The following DACH1 variants were observed in gnomAD, a reference collection of about 807,000 sequenced individuals.
DACH1 encodes dachshund family transcription factor 1.
DACH1 carries 12 observed loss-of-function variants against 54.2 expected under a neutral mutation model. That is an observed-to-expected ratio of 0.22 (90% CI 0.14 to 0.36). The LOEUF is 0.36. Among genes scored for constraint, DACH1 ranks in the 10% least tolerant of loss-of-function variants. DACH1 has a pLI of 1.00. For missense variants in DACH1, 805 were observed against 929.8 expected (o/e 0.87, Z 1.75); for synonymous variants, 386 against 366.2 (o/e 1.05, Z -0.62).
chr13:71,679,705 C>G (rs937316346), intron 2 of DACH1, among the ~76,000 whole-genome samples: 4 of 151,954 alleles, frequency 2.6e-5, no homozygotes, highest in African/African-American at 9.7e-5. Context: ...GAAAAGTTGG[C>G]CAGGCGCAGT....
intron 1 of DACH1, among the ~76,000 whole-genome samples, chr13:71,748,888 TTCTTTCTTTC>T (rs1240519914): frequency 2.5e-3 from 148 of 59,846 alleles, no homozygotes; most frequent in South Asian, 0.01. Flanking sequence ...CTTTCTTTCT[TTCTTTCTTTC>T]TCTTTCTTTC....
At chr13:71,589,552 C>T (rs1295301200) in intron 3 of DACH1, among the ~76,000 whole-genome samples, 2 of 151,814 alleles carry the variant, frequency 1.3e-5, no homozygotes, top group South Asian at 2.1e-4. Flanking sequence ...GACCGTAAGT[C>T]AGTATCTTAC....
chr13:71,734,979 G>GA (rs1883946766), intron 1 of DACH1, among the ~76,000 whole-genome samples: 1 of 68,912 alleles, frequency 1.5e-5, no homozygotes, highest in African/African-American at 3.0e-5. Context: ...TACACACACA[G>GA]GATATATATA....
At chr13:71,780,491 A>C (rs943674931) in intron 1 of DACH1, among the ~76,000 whole-genome samples, 2 of 152,086 alleles carry the variant, frequency 1.3e-5, no homozygotes, top group African/African-American at 4.8e-5. Flanking sequence ...ACACGGTATG[A>C]AACAGAGGCT....
At chr13:71,673,951 T>C (rs1267086899) in intron 2 of DACH1, among the ~76,000 whole-genome samples, 1 of 152,220 alleles carries the variant, frequency 6.6e-6, no homozygotes, top group Admixed American at 6.5e-5. Flanking sequence ...ACACGCTGCA[T>C]CTTTAATCTG....
intron 3 of DACH1, among the ~76,000 whole-genome samples, chr13:71,615,583 T>C (rs1280750167): frequency 2.0e-5 from 3 of 152,188 alleles, no homozygotes; most frequent in African/African-American, 7.2e-5. Flanking sequence ...TTAAAAAGTG[T>C]AGCAATGTAA....
At chr13:71,730,005 A>G (rs1210286163) in intron 1 of DACH1, among the ~76,000 whole-genome samples, 1 of 152,118 alleles carries the variant, frequency 6.6e-6, no homozygotes, top group East Asian at 1.9e-4. Flanking sequence ...TATCATGTCT[A>G]TAAAGAAACA....
intron 3 of DACH1, among the ~76,000 whole-genome samples, chr13:71,577,321 T>C (rs1175426198): frequency 2.0e-5 from 3 of 152,178 alleles, no homozygotes; most frequent in Non-Finnish European, 2.9e-5. Context: ...AGTAATTCTG[T>C]TGGAATTTTC....
chr13:71,532,700 T>C (rs1482264753), intron 6 of DACH1, among the ~76,000 whole-genome samples: 1 of 151,862 alleles, frequency 6.6e-6, no homozygotes, highest in Non-Finnish European at 1.5e-5. Context: ...GAAATAGATT[T>C]AGGAAAAAAA....
intron 3 of DACH1, among the ~76,000 whole-genome samples, chr13:71,605,070 C>A (rs1487806943): frequency 6.6e-6 from 1 of 151,808 alleles, no homozygotes; most frequent in Admixed American, 6.6e-5. Context: ...TAAGAAAATG[C>A]ATTATATTAA....
intron 1 of DACH1, among the ~76,000 whole-genome samples, chr13:71,696,105 G>A (rs897747594): frequency 1.3e-5 from 2 of 152,118 alleles, no homozygotes; most frequent in Non-Finnish European, 2.9e-5. Flanking sequence ...GCCAATCTGG[G>A]CTATACTCAT....
chr13:71,514,539 AATTACT>A (rs1266918958), intron 6 of DACH1, among the ~76,000 whole-genome samples: 1 of 151,926 alleles, frequency 6.6e-6, no homozygotes, highest in Non-Finnish European at 1.5e-5. Flanking sequence ...GTTGATAAAA[AATTACT>A]ATTACTATAA....
chr13:71,804,039 CT>C (rs59742250), intron 1 of DACH1, among the ~76,000 whole-genome samples: 2,087 of 152,218 alleles, frequency 0.014, 53 homozygotes, highest in African/African-American at 0.048. Flanking sequence ...TGCTACAAAG[CT>C]GGGTGTAGTG....
chr13:71,557,998 A>G (rs1447428451), intron 5 of DACH1, among the ~76,000 whole-genome samples: 2 of 151,910 alleles, frequency 1.3e-5, no homozygotes, highest in Non-Finnish European at 2.9e-5. Context: ...TTTAAAAAAT[A>G]TTGGTGGGAA....
intron 7 of DACH1, among the ~76,000 whole-genome samples, chr13:71,484,327 C>T (rs1878299838): frequency 6.6e-6 from 1 of 152,046 alleles, no homozygotes; most frequent in Non-Finnish European, 1.5e-5. Context: ...CCCATCATGC[C>T]CAGCTAATTT....
intron 2 of DACH1, among the ~76,000 whole-genome samples, chr13:71,657,620 T>C (rs1879209360): frequency 6.6e-6 from 1 of 151,948 alleles, no homozygotes; most frequent in Non-Finnish European, 1.5e-5. Context: ...TTTCACAATT[T>C]CGTCTGGTGC....
At chr13:71,527,580 T>C (rs921635670) in intron 6 of DACH1, among the ~76,000 whole-genome samples, 3 of 152,306 alleles carry the variant, frequency 2.0e-5, no homozygotes, top group African/African-American at 7.2e-5. Flanking sequence ...GTATCGGTCC[T>C]TCATCATTGA....
intron 2 of DACH1, among the ~76,000 whole-genome samples, chr13:71,650,740 A>G (rs1394688067): frequency 2.0e-5 from 3 of 152,186 alleles, no homozygotes; most frequent in Non-Finnish European, 4.4e-5. Flanking sequence ...ATAAAAGTTG[A>G]CAACTACATA....
At chr13:71,503,082 A>G (rs970883207) in intron 6 of DACH1, among the ~76,000 whole-genome samples, 4 of 152,212 alleles carry the variant, frequency 2.6e-5, no homozygotes, top group African/African-American at 9.6e-5. Context: ...GCAGCACCGT[A>G]TGTAAATGAC....
Sources: allele counts gnomAD v4.1 joint callset (sites outside exome capture counted in the v4.1 genomes callset), GRCh38; gene constraint gnomAD v4.1.1; transcripts MANE v1.5; gene names NCBI Gene and HGNC (gene_info 2026-07-23, HGNC 2026-07-21).